Variants in TOR1AIP2 observed in about 807,000 individuals in gnomAD.
TOR1AIP2 encodes the protein torsin-1A-interacting protein 2.
Under a neutral mutation model 32.6 loss-of-function variants are expected in TOR1AIP2, and 20 were observed. The observed-to-expected ratio is 0.61, with a 90% confidence interval of 0.43 to 0.89. The LOEUF is 0.89. Among genes scored for constraint, TOR1AIP2 ranks in the 40% least tolerant of loss-of-function variants. The pLI is 0.00. For missense variants in TOR1AIP2, 456 were observed against 553.8 expected, an observed-to-expected ratio of 0.82 and a Z score of 1.77; for synonymous variants, 214 against 210.8, an observed-to-expected ratio of 1.02 and a Z score of -0.13.
intron 3 of TOR1AIP2, among the ~76,000 whole-genome samples, chr1:179,854,669 G>A (rs767061102): frequency 2.6e-5 from 4 of 152,088 alleles, no homozygotes; most frequent in East Asian, 1.9e-4. Flanking sequence ...TCAGGAGTTC[G>A]AGACCAGCCT....
chr1:179,863,742 T>G (rs960627153), intron 3 of TOR1AIP2: 2 of 982,900 alleles, frequency 2.0e-6, no homozygotes, highest in Non-Finnish European at 2.4e-6. Context: ...GGGACCTTGA[T>G]AATATTGATA....
rs1024129117 is a variant in TOR1AIP2, at chr1:179,846,246, T to G, written c.1238A>C (p.Glu413Ala). The G allele has an allele frequency of 1.2e-5, 19 of 1,614,062 alleles. No homozygotes were observed. Among genetic ancestry groups the G allele is most frequent in the Non-Finnish European group, 1.6e-5 (19 of 1,180,044 alleles). Residue 413 changes from glutamate (E) to alanine (A), a missense_variant, in exon 7 of 7, where the codon GAA (glutamate) becomes GCA (alanine). Physicochemically the swap from Glu to Ala is moderately radical, Grantham distance 107. Coordinates refer to ENST00000609928, the MANE Select transcript of TOR1AIP2 (RefSeq NM_001199260.2). ...TAAGTCTCTCACTTTTTCTTCCGTT[T>G]CCCTTGGGCCTACACTTGCTTCTAA... is the stretch of plus-strand genomic sequence containing the variant. ...ETLEASVGPR[E>A]TEEKVRDLLW... is the part of the protein sequence containing the mutation.
chr1:179,856,462 C>A (rs1231050719), intron 3 of TOR1AIP2, among the ~76,000 whole-genome samples: 1 of 152,200 alleles, frequency 6.6e-6, no homozygotes. Context: ...TTCATTCAGA[C>A]CTTTTGTAAC....
intron 3 of TOR1AIP2, chr1:179,861,078 G>A: frequency 1.0e-6 from 1 of 985,244 alleles, no homozygotes; most frequent in Non-Finnish European, 1.2e-6. Flanking sequence ...TTCACTCCCT[G>A]GACTGCCATA....
At position 179,844,940 on chromosome 1, in the gene TOR1AIP2, AG is replaced by A. The variant is rs1695843532; in HGVS notation, c.*1130del. ...GAAAGAGTCTACAAACTCTTACCCT[AG>A]ACAAGTATAAAATTCCATGCAGAGG... On this transcript the variant is annotated 3_prime_UTR_variant, in exon 7 of 7. Transcript: ENST00000609928. The A allele has an allele frequency of 6.6e-6, 1 of 152,250 alleles. No individual in the cohort carries two copies. The highest frequency in any genetic ancestry group is 2.4e-5 in the African/African-American group (1 of 41,470). 9.4% of individuals were successfully genotyped at this position (152,250 alleles called of 1,614,324 possible). A position where few individuals can be genotyped will look rare whatever the true frequency, so the allele number is the denominator to read the frequency against.
chr1:179,877,120 A>G (rs1446613345), intron 2 of TOR1AIP2, 119 bp downstream of exon 2: 1 of 152,164 alleles, frequency 6.6e-6, no homozygotes, highest in Admixed American at 6.5e-5. Context: ...GAACCCTAAA[A>G]TAATTCGGCT....
At chr1:179,860,366 CA>C in intron 3 of TOR1AIP2, 1 of 783,204 alleles carries the variant, frequency 1.3e-6, no homozygotes, top group Non-Finnish European at 1.5e-6. Flanking sequence ...CCTGTAGTCA[CA>C]GCTACTTAGG....
In TOR1AIP2 at chr1:179,845,535, T is replaced by C. The variant is rs1260420882; in HGVS notation, c.*536A>G. 1.3e-5 allele frequency: 2 copies of C among 152,458 alleles called. No individual in the cohort carries two copies. Among genetic ancestry groups the C allele is most frequent in the Non-Finnish European group, 2.9e-5 (2 of 68,248 alleles). The allele number at this position is 152,458 out of a possible 1,614,324, so 9.4% of individuals were successfully genotyped here. A position where few individuals can be genotyped will look rare whatever the true frequency, so the allele number is the denominator to read the frequency against. On this transcript the variant is annotated 3_prime_UTR_variant, in exon 7 of 7. Transcript: ENST00000609928. ...ATGGTTTGAATTCTTATTTCTTTTA[T>C]CATACTACTCAAAACTGCAAAATTA...
intron 2 of TOR1AIP2, chr1:179,868,472 A>G (rs1311775781): frequency 6.6e-6 from 1 of 152,220 alleles, no homozygotes; most frequent in East Asian, 1.9e-4. Flanking sequence ...AAATCTGTAC[A>G]ATCACTTTTG....
At chr1:179,861,131 C>T in intron 3 of TOR1AIP2, 1 of 985,410 alleles carries the variant, frequency 1.0e-6, no homozygotes, top group South Asian at 4.7e-5. Flanking sequence ...AGAAATGCTA[C>T]CATAACATAT....
chr1:179,847,686 G>T, intron 5 of TOR1AIP2, 50 bp from the exon 6 acceptor site: 2 of 1,168,004 alleles, frequency 1.7e-6, no homozygotes, highest in Non-Finnish European at 1.3e-6. Context: ...ACTAATGACA[G>T]TATGTATACC....
At chr1:179,873,332 A>G (rs560063877) in intron 2 of TOR1AIP2, among the ~76,000 whole-genome samples, 4 of 152,308 alleles carry the variant, frequency 2.6e-5, no homozygotes, top group African/African-American at 9.6e-5. Context: ...TGACCTGGCC[A>G]GTTATTTTGT....
chr1:179,854,365 A>C (rs916553161), intron 3 of TOR1AIP2, among the ~76,000 whole-genome samples: 5 of 152,226 alleles, frequency 3.3e-5, no homozygotes, highest in Non-Finnish European at 7.3e-5. Flanking sequence ...TAGACAAATA[A>C]GACTCAAAAC....
intron 2 of TOR1AIP2, among the ~76,000 whole-genome samples, chr1:179,869,759 G>C (rs1037425056): frequency 6.6e-6 from 1 of 152,182 alleles, no homozygotes; most frequent in Admixed American, 6.5e-5. Context: ...TCTGTGTAGG[G>C]AAGTTGCTAT....
chr1:179,864,701 A>T, intron 3 of TOR1AIP2: 2 of 1,506,184 alleles, frequency 1.3e-6, no homozygotes, highest in Non-Finnish European at 1.8e-6. Flanking sequence ...GGTCAGACTT[A>T]GAAATGAATT....
At chr1:179,870,554 C>T (rs1696976140) in intron 2 of TOR1AIP2, among the ~76,000 whole-genome samples, 1 of 151,830 alleles carries the variant, frequency 6.6e-6, no homozygotes, top group South Asian at 2.1e-4. Context: ...TTTTTCCAAT[C>T]CCACCCCTCC....
intron 6 of TOR1AIP2, 79 bp from the exon 7 acceptor site, chr1:179,846,907 G>A: frequency 6.9e-7 from 1 of 1,454,134 alleles, no homozygotes; most frequent in Admixed American, 2.3e-5. Flanking sequence ...ACTGAAATGA[G>A]GCAGAGATAC....
intron 2 of TOR1AIP2, chr1:179,875,770 C>G (rs149840730): frequency 2.1e-4 from 32 of 152,182 alleles, no homozygotes; most frequent in African/African-American, 7.0e-4. Flanking sequence ...GGAAAACAGC[C>G]CACACAGTAA....
chr1:179,863,430 C>T lies in TOR1AIP2; in HGVS notation c.-147+2006G>A, dbSNP rs142843287. On this transcript the variant is annotated intron_variant, in intron 3 of 6. Transcript: ENST00000609928. ...AATAAAACACTGACTTGAAAGAAAG[C>T]CTTTTGCTCTCTACTTCCAGCCTTT... is the stretch of plus-strand genomic sequence containing the variant. The T allele has an allele frequency of 3.9e-5, 38 of 985,072 alleles. No homozygotes were observed. The East Asian group carries it at 3.7e-3, about 97-fold the overall frequency. The allele number at this position is 985,072 out of a possible 1,614,324, so 61.0% of individuals were successfully genotyped here. A position where few individuals can be genotyped will look rare whatever the true frequency, so the allele number is the denominator to read the frequency against.
Sources: gnomAD v4.1 joint callset for allele counts (sites outside exome capture counted in the v4.1 genomes callset) on GRCh38, gnomAD v4.1.1 for gene constraint, MANE v1.5 for transcripts, NCBI Gene and HGNC (gene_info 2026-07-23, HGNC 2026-07-21) for gene names.